CNTNAP2: variants seen among roughly 807,000 people sequenced by gnomAD.
The protein encoded by CNTNAP2 is contactin associated protein 2.
CNTNAP2 carries 98 observed loss-of-function variants against 155.2 expected under a neutral mutation model. The ratio of observed to expected loss-of-function variants is 0.63; its 90% CI spans 0.54 to 0.75. The LOEUF (loss-of-function observed/expected upper bound fraction) is 0.75. CNTNAP2 is among the 30% of genes least tolerant of loss of function. CNTNAP2 has a pLI of 0.00. For synonymous variants in CNTNAP2, 651 were observed against 631.2 expected (o/e 1.03, Z -0.47); for missense variants, 1,727 against 1,688.1 (o/e 1.02, Z -0.40).
chr7:147,351,300 A>T (rs564919086), intron 9 of CNTNAP2, among the ~76,000 whole-genome samples: 2 of 151,786 alleles, frequency 1.3e-5, no homozygotes, highest in Non-Finnish European at 3.0e-5. Context: ...TGTATATATT[A>T]TACTAATTTC....
chr7:146,199,098 C>G (rs1037445748), intron 1 of CNTNAP2, among the ~76,000 whole-genome samples: 1 of 152,100 alleles, frequency 6.6e-6, no homozygotes, highest in Non-Finnish European at 1.5e-5. Context: ...ACTGTAAGTT[C>G]TTATTCATAT....
chr7:148,175,475 G>T (rs1257994278), intron 18 of CNTNAP2, among the ~76,000 whole-genome samples: 1 of 152,020 alleles, frequency 6.6e-6, no homozygotes, highest in South Asian at 2.1e-4. Flanking sequence ...TAATTATATT[G>T]TCCCTGAGAA....
intron 1 of CNTNAP2, among the ~76,000 whole-genome samples, chr7:146,216,341 A>G (rs536543760): frequency 9.2e-5 from 14 of 152,320 alleles, no homozygotes; most frequent in Admixed American, 9.2e-4. Context: ...CATCTTCCTT[A>G]ATATTTTAAA....
At chr7:147,829,027 A>T (rs980688686) in intron 13 of CNTNAP2, among the ~76,000 whole-genome samples, 5 of 152,170 alleles carry the variant, frequency 3.3e-5, no homozygotes, top group African/African-American at 4.8e-5. Context: ...CACCAAAAAA[A>T]CCAGCACCAT....
At chr7:147,299,764 A>C (rs975913986) in intron 8 of CNTNAP2, among the ~76,000 whole-genome samples, 1 of 152,246 alleles carries the variant, frequency 6.6e-6, no homozygotes, top group Non-Finnish European at 1.5e-5. Context: ...TAATTCACTA[A>C]GTTAAAATAG....
intron 2 of CNTNAP2, among the ~76,000 whole-genome samples, chr7:146,776,997 G>A (rs1482172936): frequency 7.2e-5 from 11 of 152,076 alleles, no homozygotes; most frequent in Non-Finnish European, 1.2e-4. Flanking sequence ...TTGACAGGTA[G>A]GTAGGTAGGT....
intron 1 of CNTNAP2, among the ~76,000 whole-genome samples, chr7:146,695,833 A>T (rs1445964196): frequency 6.6e-6 from 1 of 152,200 alleles, no homozygotes; most frequent in Non-Finnish European, 1.5e-5. Flanking sequence ...CATATATATT[A>T]CCTCACATGG....
intron 23 of CNTNAP2, among the ~76,000 whole-genome samples, chr7:148,412,006 C>T (rs1441408298): frequency 6.6e-6 from 1 of 151,996 alleles, no homozygotes; most frequent in East Asian, 1.9e-4. Context: ...TACAGTGGCG[C>T]GATCTCGGCT....
chr7:148,197,173 G>A (rs1795292147), intron 18 of CNTNAP2, among the ~76,000 whole-genome samples: 1 of 152,028 alleles, frequency 6.6e-6, no homozygotes, highest in Non-Finnish European at 1.5e-5. Context: ...GCATTCATCA[G>A]TACTAGCACT....
At chr7:148,348,897 A>G (rs1490067478) in intron 21 of CNTNAP2, among the ~76,000 whole-genome samples, 3 of 152,212 alleles carry the variant, frequency 2.0e-5, no homozygotes, top group African/African-American at 4.8e-5. Context: ...CTAATTACAG[A>G]CACATAAAAT....
chr7:148,358,520 G>T (rs1798561451), intron 21 of CNTNAP2, among the ~76,000 whole-genome samples: 1 of 152,154 alleles, frequency 6.6e-6, no homozygotes, highest in African/African-American at 2.4e-5. Flanking sequence ...TGGGAGCCTG[G>T]TGAGGTCTCA....
intron 12 of CNTNAP2, among the ~76,000 whole-genome samples, chr7:147,638,580 AG>A (rs1795221034): frequency 1.3e-5 from 2 of 152,232 alleles, no homozygotes; most frequent in African/African-American, 4.8e-5. Flanking sequence ...ACATTTCAAT[AG>A]CAGAGAATGC....
intron 1 of CNTNAP2, among the ~76,000 whole-genome samples, chr7:146,681,250 T>C (rs1800496176): frequency 1.3e-5 from 2 of 150,810 alleles, no homozygotes; most frequent in Admixed American, 1.3e-4. Context: ...GAACTTCCTG[T>C]ATAGTTGAGT....
intron 10 of CNTNAP2, among the ~76,000 whole-genome samples, chr7:147,411,482 T>C (rs1325765401): frequency 6.6e-6 from 1 of 152,174 alleles, no homozygotes; most frequent in Non-Finnish European, 1.5e-5. Context: ...TTTCTGCACA[T>C]GTAAGATGTC....
chr7:146,889,916 T>C (rs893712684), intron 3 of CNTNAP2, among the ~76,000 whole-genome samples: 3 of 152,146 alleles, frequency 2.0e-5, no homozygotes, highest in African/African-American at 2.4e-5. Flanking sequence ...ATTGATGAGA[T>C]TGGAAATTCT....
chr7:146,368,766 G>A (rs183421754), intron 1 of CNTNAP2, among the ~76,000 whole-genome samples: 151 of 151,544 alleles, frequency 1.0e-3, no homozygotes, highest in African/African-American at 3.3e-3. Context: ...CCTAGAACAA[G>A]AATTGTTATA....
chr7:148,414,964 T>G (rs1352890656), intron 23 of CNTNAP2: 12 of 262,744 alleles, frequency 4.6e-5, no homozygotes, highest in African/African-American at 2.4e-4. Flanking sequence ...GTTCTTTCTA[T>G]ACATAGCTCT....
intron 21 of CNTNAP2, among the ~76,000 whole-genome samples, chr7:148,334,734 G>A (rs1798087032): frequency 6.6e-6 from 1 of 152,226 alleles, no homozygotes; most frequent in South Asian, 2.1e-4. Flanking sequence ...TACCCAAGAA[G>A]AGAGAGATTA....
intron 11 of CNTNAP2, among the ~76,000 whole-genome samples, chr7:147,544,676 T>G (rs1799700053): frequency 6.6e-6 from 1 of 152,042 alleles, no homozygotes; most frequent in Admixed American, 6.6e-5. Flanking sequence ...CCCACCCAAA[T>G]CTCATCTTGA....
Sources: allele counts gnomAD v4.1 joint callset (sites outside exome capture counted in the v4.1 genomes callset), GRCh38; gene constraint gnomAD v4.1.1; transcripts MANE v1.5; gene names NCBI Gene and HGNC (gene_info 2026-07-23, HGNC 2026-07-21).